RBFOX1: variants seen among roughly 807,000 people sequenced by gnomAD.
RBFOX1 encodes RNA binding fox-1 homolog 1.
RBFOX1 carries 8 observed loss-of-function variants against 57.7 expected under a neutral mutation model. The ratio of observed to expected loss-of-function variants is 0.14; its 90% CI spans 0.08 to 0.25. The LOEUF (loss-of-function observed/expected upper bound fraction) is 0.25. RBFOX1 is among the 10% of genes least tolerant of loss of function. The pLI is 1.00. For missense variants in RBFOX1, 611 were observed against 548.5 expected (o/e 1.11, Z -1.14); for synonymous variants, 326 against 222.4 (o/e 1.47, Z -4.15).
At chr16:7,571,570 T>C (rs1417699846) in intron 5 of RBFOX1, among the ~76,000 whole-genome samples, 2 of 152,188 alleles carry the variant, frequency 1.3e-5, no homozygotes, top group South Asian at 2.1e-4. Context: ...TTTCTTAACA[T>C]TTATAACCTG....
intron 2 of RBFOX1, among the ~76,000 whole-genome samples, chr16:5,571,971 T>C (rs944590716): frequency 6.6e-6 from 1 of 152,220 alleles, no homozygotes; most frequent in African/African-American, 2.4e-5. Context: ...ATGGACCTTT[T>C]CTTATGTGGG....
chr16:6,780,968 C>T lies in RBFOX1; in HGVS notation c.-16+126318C>T, dbSNP rs191584655. 4.7e-4 allele frequency among the ~76,000 whole-genome samples: 71 copies of T among 152,090 alleles called. 1 individual carries two copies. Among genetic ancestry groups the T allele is most frequent in the African/African-American group, 1.6e-3 (68 of 41,470 alleles). Reference sequence around the variant, plus strand: ...TTGTCTTATCACTTGTTTGTGGTTGCCTTTGCTGTGCAGACACTTTTTAGC... The same window carrying T: ...TTGTCTTATCACTTGTTTGTGGTTGTCTTTGCTGTGCAGACACTTTTTAGC... On this transcript the variant is annotated intron_variant, in intron 3 of 15. Transcript: ENST00000550418.
chr16:5,350,920 G>C (rs2065249210), intron 1 of RBFOX1, among the ~76,000 whole-genome samples: 2 of 152,064 alleles, frequency 1.3e-5, no homozygotes, highest in Admixed American at 1.3e-4. Flanking sequence ...GCATCTCGCA[G>C]GGTTGTGAAG....
intron 3 of RBFOX1, among the ~76,000 whole-genome samples, chr16:6,845,558 T>A (rs1275004063): frequency 6.6e-6 from 1 of 152,222 alleles, no homozygotes; most frequent in Non-Finnish European, 1.5e-5. Flanking sequence ...TTTGCACCAG[T>A]GCCATGCTGT....
intron 3 of RBFOX1, among the ~76,000 whole-genome samples, chr16:5,731,302 C>G (rs2052364849): frequency 6.6e-6 from 1 of 152,098 alleles, no homozygotes; most frequent in South Asian, 2.1e-4. Context: ...ACCACCACCA[C>G]CATCATCATC....
intron 1 of RBFOX1, among the ~76,000 whole-genome samples, chr16:6,031,107 G>A (rs574624737): frequency 7.9e-5 from 12 of 152,272 alleles, no homozygotes; most frequent in African/African-American, 2.2e-4. Flanking sequence ...GACCCTGTTC[G>A]GTAGGAACAT....
At chr16:6,568,136 A>C (rs62015489) in intron 2 of RBFOX1, among the ~76,000 whole-genome samples, 1 of 152,024 alleles carries the variant, frequency 6.6e-6, no homozygotes, top group Non-Finnish European at 1.5e-5. Context: ...CCATGTAACA[A>C]ATTACTCCCA....
intron 11 of RBFOX1, among the ~76,000 whole-genome samples, chr16:7,637,640 G>C (rs1201329766): frequency 6.6e-6 from 1 of 152,144 alleles, no homozygotes; most frequent in Admixed American, 6.5e-5. Context: ...TACTAGAAAG[G>C]ACACATACAG....
chr16:5,847,837 C>T (rs184462688), intron 3 of RBFOX1, among the ~76,000 whole-genome samples: 2 of 152,142 alleles, frequency 1.3e-5, no homozygotes, highest in South Asian at 2.1e-4. Flanking sequence ...TCGCCCCATG[C>T]TCTGTTCAGA....
chr16:6,540,383 C>T (rs370356865), intron 2 of RBFOX1, among the ~76,000 whole-genome samples: 2 of 151,444 alleles, frequency 1.3e-5, no homozygotes, highest in African/African-American at 4.9e-5. Flanking sequence ...GGAGGCTGAG[C>T]TGGGTGGGTT....
chr16:7,278,463 A>C (rs546187192), intron 4 of RBFOX1, among the ~76,000 whole-genome samples: 205 of 152,330 alleles, frequency 1.3e-3, no homozygotes, highest in Non-Finnish European at 2.5e-3. Context: ...TTGACTAAAT[A>C]TATTTACTTT....
intron 3 of RBFOX1, among the ~76,000 whole-genome samples, chr16:6,806,306 T>C (rs2086746275): frequency 6.6e-6 from 1 of 152,200 alleles, no homozygotes; most frequent in African/African-American, 2.4e-5. Context: ...AGTAACCTGA[T>C]AATGTTGAAT....
At chr16:7,508,760 C>T (rs992910888) in intron 4 of RBFOX1, among the ~76,000 whole-genome samples, 1 of 152,114 alleles carries the variant, frequency 6.6e-6, no homozygotes, top group African/African-American at 2.4e-5. Flanking sequence ...TTGAATTCTT[C>T]CAGGCGGTCT....
At chr16:6,302,932 G>A (rs2078994913) in intron 1 of RBFOX1, among the ~76,000 whole-genome samples, 1 of 152,146 alleles carries the variant, frequency 6.6e-6, no homozygotes, top group African/African-American at 2.4e-5. Flanking sequence ...TAAATGACTT[G>A]AAAAAATGAT....
chr16:6,634,871 A>C (rs980326441), intron 2 of RBFOX1, among the ~76,000 whole-genome samples: 9 of 134,362 alleles, frequency 6.7e-5, no homozygotes, highest in African/African-American at 2.5e-4. Flanking sequence ...TTAAATTCAA[A>C]ATATATATTA....
intron 2 of RBFOX1, among the ~76,000 whole-genome samples, chr16:6,641,788 C>T (rs965568582): frequency 4.2e-5 from 6 of 142,654 alleles, no homozygotes; most frequent in East Asian, 4.1e-4. Context: ...ATAGGTTCTG[C>T]CCTGAGCCTT....
rs9921862 is a variant in RBFOX1 at position 5,608,176 on chromosome 16, C to G, written c.318+9215C>G. Among the ~76,000 whole-genome samples, 40 of 152,184 alleles carry G rather than the reference C, an allele frequency of 2.6e-4. 1 individual carries two copies. In the South Asian group the frequency reaches 8.3e-3, roughly 32 times the overall value. Reference sequence around the variant, plus strand: ...TGGAAGCTCATTGTCTGAGCGCATACCTTGTGAATTGTCATAACACCCCGG... The same window carrying G: ...TGGAAGCTCATTGTCTGAGCGCATAGCTTGTGAATTGTCATAACACCCCGG... On this transcript the variant is annotated intron_variant, in intron 3 of 19. Coordinates refer to the RBFOX1 transcript ENST00000641259.
At chr16:7,682,404 G>C (rs944583156) in intron 14 of RBFOX1, among the ~76,000 whole-genome samples, 1 of 152,092 alleles carries the variant, frequency 6.6e-6, no homozygotes, top group Non-Finnish European at 1.5e-5. Context: ...CATCTTCCCA[G>C]CTGGGATACA....
At chr16:6,280,304 C>T (rs1407967191) in intron 1 of RBFOX1, among the ~76,000 whole-genome samples, 2 of 152,142 alleles carry the variant, frequency 1.3e-5, no homozygotes, top group African/African-American at 4.8e-5. Context: ...CTCACAACTT[C>T]TGGGGCTGCC....
Sources: allele counts gnomAD v4.1 joint callset (sites outside exome capture counted in the v4.1 genomes callset), GRCh38; gene constraint gnomAD v4.1.1; transcripts MANE v1.5; gene names NCBI Gene and HGNC (gene_info 2026-07-23, HGNC 2026-07-21).